Variants in EPHA8 observed in about 807,000 individuals in gnomAD.
EPHA8 encodes ephrin type-A receptor 8.
In EPHA8, 58 loss-of-function variants were observed where a neutral mutation model predicts 103.6. The observed-to-expected ratio is 0.56, with a 90% CI of 0.45 to 0.70. The LOEUF (loss-of-function observed/expected upper bound fraction) is 0.70, where lower values mean the gene tolerates loss of function less well. Among genes scored for constraint, EPHA8 ranks in the 30% least tolerant of loss-of-function variants. The probability of loss-of-function intolerance (pLI) is 0.00; values close to 1 mark genes in which losing one functional copy is unlikely to be tolerated. For synonymous variants in EPHA8, 559 were observed against 572.5 expected, an observed-to-expected ratio of 0.98 and a Z score of 0.34; for missense variants, 1,304 against 1,395.2, an observed-to-expected ratio of 0.93 and a Z score of 1.04.
chr1:22,577,238 T>C (rs899692183), intron 3 of EPHA8, among the ~76,000 whole-genome samples: 2 of 152,258 alleles, frequency 1.3e-5, no homozygotes, highest in South Asian at 2.1e-4. Context: ...AGGTCAGACA[T>C]AGTTCTAAGC....
intron 6 of EPHA8, 27 bp from the exon 7 acceptor site, chr1:22,593,497 G>C: frequency 6.2e-7 from 1 of 1,610,436 alleles, no homozygotes; most frequent in Non-Finnish European, 8.5e-7. Flanking sequence ...AGCAGGGCAG[G>C]GCCCACTGAC....
At chr1:22,573,187 C>T (rs1004834239) in intron 2 of EPHA8, among the ~76,000 whole-genome samples, 2 of 152,144 alleles carry the variant, frequency 1.3e-5, no homozygotes, top group Non-Finnish European at 2.9e-5. Flanking sequence ...GTGAGGCTGG[C>T]GCTCCCTGGG....
Position 22,589,010 on chromosome 1 carries a change from G to A in EPHA8, c.1119G>A (p.Leu373=). 6.2e-7 allele frequency: 1 copy of A among 1,613,010 alleles called. No homozygotes were observed. Residue 373 remains leucine, a synonymous_variant, in exon 5 of 17, where the codon CTG becomes CTA. Transcript: ENST00000166244. The surrounding 1 kb of genome is among the most constrained non-coding windows in gnomAD (Gnocchi z 4.3). ...NAVCRRCPWA[L]SRCEACGSGT... is the part of the protein sequence containing the mutation. ...TGTGCCGCCGCTGCCCCTGGGCACT[G>A]AGCCGCTGCGAGGCATGTGGGAGCG...
chr1:22,577,973 G>GTGAC (rs1640782205), intron 3 of EPHA8, among the ~76,000 whole-genome samples: 1 of 62,826 alleles, frequency 1.6e-5, no homozygotes. Context: ...GTGCATGTGC[G>GTGAC]TATGTGTGCA....
chr1:22,601,745 A>G lies in EPHA8; in HGVS notation c.*4A>G. 2 of 1,555,034 alleles carry G rather than the reference A, an allele frequency of 1.3e-6. No homozygotes were observed. Among genetic ancestry groups the G allele is most frequent in the Non-Finnish European group, 1.7e-6 (2 of 1,149,718 alleles). ...GGGGCCCCGCCGGCACCTCTGATGT[A>G]CAGCCAGCAGGGCCCAGGCAGCCAC... On this transcript the variant is annotated 3_prime_UTR_variant, in exon 17 of 17. Transcript: ENST00000166244.
At position 22,569,304 on chromosome 1, in the gene EPHA8, C is replaced by T. The variant is rs200476235; in HGVS notation, c.110C>T (p.Thr37Met). Residue 37 changes from threonine to methionine, a missense_variant, in exon 2 of 17, where the codon ACG (threonine) becomes ATG (methionine). Coordinates refer to ENST00000166244, the MANE Select transcript of EPHA8 (RefSeq NM_020526.5). The surrounding 1 kb of genome is among the most constrained non-coding windows in gnomAD (Gnocchi z 4.5). ...TGTTTTACAGTGAATTTGCTGGACA[C>T]GTCGACCATCCACGGGGACTGGGGC... ...AARGEVNLLD[T>M]STIHGDWGWL... 1.1e-5 allele frequency: 17 copies of T among 1,612,048 alleles called. No homozygotes were observed. The highest frequency in any genetic ancestry group is 6.7e-5 in the Admixed American group (4 of 59,734).
At chr1:22,594,195 C>G (rs1641455106) in intron 7 of EPHA8, among the ~76,000 whole-genome samples, 1 of 152,204 alleles carries the variant, frequency 6.6e-6, no homozygotes, top group Admixed American at 6.5e-5. Context: ...TCTTGAACTC[C>G]TGACCTCAGG....
intron 5 of EPHA8, among the ~76,000 whole-genome samples, chr1:22,591,964 G>T (rs563579826): frequency 2.5e-4 from 38 of 152,192 alleles, no homozygotes; most frequent in Admixed American, 2.5e-3. Flanking sequence ...TTTATTGGAC[G>T]CCCTGTCTCC....
In EPHA8 at chr1:22,563,671, C is replaced by A; in HGVS notation, c.36C>A (p.Leu12=). ...CCCGGGGCCGCCTGCCCCCTGCGCT[C>A]TGGGTCGTCACGGCCGCGGCGGCGG... ...APARGRLPPA[L]WVVTAAAAAA... Residue 12 remains leucine (L), a synonymous_variant, in exon 1 of 17, where the codon CTC becomes CTA. Coordinates refer to ENST00000166244, the MANE Select transcript of EPHA8 (RefSeq NM_020526.5). This position sits in a 1 kb window ranked among gnomAD's most constrained non-coding sequence, Gnocchi z 4.4. 2 of 146,680 alleles carry A rather than the reference C, an allele frequency of 1.4e-5. No individual in the cohort carries two copies. The highest frequency in any genetic ancestry group is 3.6e-4 in the South Asian group (2 of 5,552). 9.1% of individuals were successfully genotyped at this position (146,680 alleles called of 1,614,324 possible). A position where few individuals can be genotyped will look rare whatever the true frequency, so the allele number is the denominator to read the frequency against.
At chr1:22,571,976 G>A (rs1450964850) in intron 2 of EPHA8, among the ~76,000 whole-genome samples, 1 of 152,180 alleles carries the variant, frequency 6.6e-6, no homozygotes, top group East Asian at 1.9e-4. Context: ...GGTCAAGGCT[G>A]CAGTGAGCCA....
In EPHA8 at chr1:22,603,180, C is replaced by T. The variant is rs1641787658; in HGVS notation, c.*1439C>T. On this transcript the variant is annotated 3_prime_UTR_variant, in exon 17 of 17. Transcript: ENST00000166244. ...CAGCTGCCCAGCCCTGCCCCCCCTCCCCATAGCCAGCACAGCTATCCCGCG... is the reference window on the plus strand; with the variant it reads ...CAGCTGCCCAGCCCTGCCCCCCCTCTCCATAGCCAGCACAGCTATCCCGCG... 1 of 152,452 alleles carries T rather than the reference C, an allele frequency of 6.6e-6. No individual in the cohort carries two copies. Among genetic ancestry groups the T allele is most frequent in the South Asian group, 2.1e-4 (1 of 4,804 alleles). 9.4% of individuals were successfully genotyped at this position (152,452 alleles called of 1,614,324 possible).
At chr1:22,570,375 T>TAC (rs67048136) in intron 2 of EPHA8, among the ~76,000 whole-genome samples, 2 of 151,668 alleles carry the variant, frequency 1.3e-5, no homozygotes, top group East Asian at 1.9e-4. Context: ...CGTGTGCGCG[T>TAC]ACACACACGC....
chr1:22,586,554 G>C lies in EPHA8; in HGVS notation c.898G>C (p.Ala300Pro). The change falls in exon 4 of 17, where the codon GCA (alanine) becomes CCA (proline). Residue 300 changes from alanine (A) to proline (P), a missense_variant. Transcript: ENST00000166244. ...CARCPPHSHS[A>P]APAAQACHCD... ...CCGCTGCCCTCCCCACAGCCACTCC[G>C]CAGCTCCAGCCGCCCAAGCCTGCCA... The C allele has an allele frequency of 3.1e-6, 5 of 1,613,774 alleles. No homozygotes were observed. The highest frequency in any genetic ancestry group is 4.2e-6 in the Non-Finnish European group (5 of 1,179,950).
rs1368540519 is a variant in EPHA8 at position 22,597,610 on chromosome 1, G to A, written c.1931-66G>A. ...CAAGCCCAGGGGGTCCAAGGGCCTG[G>A]GAGGCTGGGGGAGTCTGAGGGTCCC... On this transcript the variant is annotated intron_variant, in intron 10 of 16. Coordinates refer to ENST00000166244, the MANE Select transcript of EPHA8 (RefSeq NM_020526.5). This position sits in a 1 kb window ranked among gnomAD's most constrained non-coding sequence, Gnocchi z 4.6. 4 of 1,551,476 alleles carry A rather than the reference G, an allele frequency of 2.6e-6. No homozygotes were observed. Among genetic ancestry groups the A allele is most frequent in the Non-Finnish European group, 2.6e-6 (3 of 1,147,826 alleles).
Position 22,576,810 on chromosome 1 carries a change from C to T in EPHA8, c.753C>T (p.Gly251=), listed in dbSNP as rs1470407408. The T allele has an allele frequency of 5.6e-6, 9 of 1,611,936 alleles. No individual in the cohort carries two copies. Among genetic ancestry groups the T allele is most frequent in the Admixed American group, 1.7e-5 (1 of 59,976 alleles). ...DTPKMYCSAE[G]EWLVPIGKCV... is the part of the protein sequence containing the mutation. Reference sequence around the variant, plus strand: ...CCAAGATGTACTGCAGCGCGGAGGGCGAGTGGCTCGTGCCCATCGGCAAAT... The same window carrying T: ...CCAAGATGTACTGCAGCGCGGAGGGTGAGTGGCTCGTGCCCATCGGCAAAT... Residue 251 remains glycine, a synonymous_variant, in exon 3 of 17, where the codon GGC becomes GGT. Transcript: ENST00000166244. This position sits in a 1 kb window ranked among gnomAD's most constrained non-coding sequence, Gnocchi z 4.8.
intron 2 of EPHA8, among the ~76,000 whole-genome samples, chr1:22,574,128 G>A (rs977333684): frequency 2.6e-5 from 4 of 152,176 alleles, no homozygotes; most frequent in Admixed American, 2.0e-4. Context: ...ACAGGCGCCC[G>A]CCACCACGCC....
rs562885552 is a variant in EPHA8 at position 22,603,456 on chromosome 1, G to A, written c.*1715G>A. The A allele has an allele frequency of 2.7e-3, 412 of 152,198 alleles. 1 individual carries two copies. Among genetic ancestry groups the A allele is most frequent in the Non-Finnish European group, 3.9e-3 (268 of 67,962 alleles). 9.4% of individuals were successfully genotyped at this position (152,198 alleles called of 1,614,324 possible). A position where few individuals can be genotyped will look rare whatever the true frequency, so the allele number is the denominator to read the frequency against. On this transcript the variant is annotated 3_prime_UTR_variant, in exon 17 of 17. Coordinates refer to ENST00000166244, the MANE Select transcript of EPHA8 (RefSeq NM_020526.5). Reference sequence around the variant, plus strand: ...GGATCCTCACAGTCATGGAGGCACCGTGGGCCTGGCACTTGCAAAAGTGTG... The same window carrying A: ...GGATCCTCACAGTCATGGAGGCACCATGGGCCTGGCACTTGCAAAAGTGTG...
rs970788472 is a variant in EPHA8 at position 22,593,329 on chromosome 1, C to T, written c.1319C>T (p.Pro440Leu). 8.3e-6 allele frequency: 13 copies of T among 1,566,172 alleles called. No individual in the cohort carries two copies. The highest frequency in any genetic ancestry group is 1.3e-5 in the African/African-American group (1 of 74,396). ...VVNITTNQAA[P>L]SQVVVIRQER... ...CTGACGGGATTGGCCGCCCCAGCCCCGTCCCAGGTGGTGGTGATCCGTCAA... is the reference window on the plus strand; with the variant it reads ...CTGACGGGATTGGCCGCCCCAGCCCTGTCCCAGGTGGTGGTGATCCGTCAA... The change falls in exon 6 of 17, where the codon CCG becomes CTG. Residue 440 changes from proline to leucine, a missense_variant. Physicochemically the swap from Pro to Leu is moderately conservative, Grantham distance 98. Coordinates refer to ENST00000166244, the MANE Select transcript of EPHA8 (RefSeq NM_020526.5).
At chr1:22,588,780 C>T in intron 4 of EPHA8, 91 bp from the exon 5 acceptor site, 4 of 1,499,692 alleles carry the variant, frequency 2.7e-6, no homozygotes, top group Non-Finnish European at 2.7e-6. Context: ...GATGGGGAGC[C>T]CTTCCCTTGG....
Sources: gnomAD v4.1 joint callset for allele counts (sites outside exome capture counted in the v4.1 genomes callset) on GRCh38, gnomAD v4.1.1 for gene constraint, Gnocchi (gnomAD v3.1) non-coding constraint, MANE v1.5 for transcripts, NCBI Gene and HGNC (gene_info 2026-07-23, HGNC 2026-07-21) for gene names.